Variants in DEK observed in about 807,000 individuals in gnomAD.
DEK encodes protein DEK.
Under a neutral mutation model 46.8 loss-of-function variants are expected in DEK, and 28 were observed. The observed-to-expected ratio is 0.60, with a 90% CI of 0.44 to 0.82. The LOEUF (loss-of-function observed/expected upper bound fraction) is 0.82. Among genes scored for constraint, DEK ranks in the 40% least tolerant of loss-of-function variants. DEK has a pLI of 0.00. For synonymous variants in DEK, 160 were observed against 144.5 expected, an observed-to-expected ratio of 1.11 and a Z score of -0.77; for missense variants, 416 against 430.6, an observed-to-expected ratio of 0.97 and a Z score of 0.30.
At chr6:18,229,268 A>G (rs1790288501) in intron 9 of DEK, among the ~76,000 whole-genome samples, 1 of 152,248 alleles carries the variant, frequency 6.6e-6, no homozygotes, top group Non-Finnish European at 1.5e-5. Context: ...AGATAAAACC[A>G]CAAAGATGGG....
intron 2 of DEK, among the ~76,000 whole-genome samples, chr6:18,258,857 G>A (rs73366564): frequency 0.02 from 3,111 of 152,174 alleles, 104 homozygotes; most frequent in African/African-American, 0.07. Context: ...TAACAATTTA[G>A]TAAACTGACA....
intron 6 of DEK, among the ~76,000 whole-genome samples, chr6:18,255,223 T>C (rs933034780): frequency 2.0e-5 from 3 of 152,260 alleles, no homozygotes; most frequent in African/African-American, 7.2e-5. Context: ...TTTACTTCCC[T>C]GTCTGGCTCC....
At chr6:18,255,147 G>A (rs910552815) in intron 6 of DEK, among the ~76,000 whole-genome samples, 1 of 152,144 alleles carries the variant, frequency 6.6e-6, no homozygotes, top group Non-Finnish European at 1.5e-5. Context: ...TATGTCATTC[G>A]TTACCATTAA....
chr6:18,257,070 T>C, intron 4 of DEK, among the ~76,000 whole-genome samples: 1 of 152,192 alleles, frequency 6.6e-6, no homozygotes. Context: ...GTTCCCTCGA[T>C]TATATAATAT....
intron 6 of DEK, among the ~76,000 whole-genome samples, chr6:18,254,020 A>G (rs1791501209): frequency 6.6e-6 from 1 of 152,106 alleles, no homozygotes; most frequent in South Asian, 2.1e-4. Context: ...GATTTTAAAC[A>G]AAACAATACA....
chr6:18,261,936 C>T (rs1023779356), intron 2 of DEK, among the ~76,000 whole-genome samples: 4 of 152,112 alleles, frequency 2.6e-5, no homozygotes, highest in African/African-American at 9.7e-5. Context: ...TGGATGTTTG[C>T]CCCCTCCAAA....
At chr6:18,238,071 G>A (rs1790741717) in intron 7 of DEK, among the ~76,000 whole-genome samples, 1 of 151,858 alleles carries the variant, frequency 6.6e-6, no homozygotes, top group African/African-American at 2.4e-5. Flanking sequence ...GTTTTGCCAT[G>A]TTGGCCAGGC....
At chr6:18,225,857 T>C in intron 10 of DEK, 127 bp from the exon 11 acceptor site, 1 of 1,147,806 alleles carries the variant, frequency 8.7e-7, no homozygotes, top group Non-Finnish European at 1.3e-6. Flanking sequence ...AGCTACCTGC[T>C]GATCTTCCCC....
Position 18,249,805 on chromosome 6 carries a change from C to A in DEK, c.608G>T (p.Gly203Val). 6.2e-7 allele frequency: 1 copy of A among 1,600,508 alleles called. No individual in the cohort carries two copies. Among genetic ancestry groups the A allele is most frequent in the Non-Finnish European group, 8.5e-7 (1 of 1,176,578 alleles). Reference sequence around the variant, plus strand: ...AGAACTGTTCCGTTCCTTTTTACTGCCTTTGCTACAAGTTTTTTTAGATTT... The same window carrying A: ...AGAACTGTTCCGTTCCTTTTTACTGACTTTGCTACAAGTTTTTTTAGATTT... ...LPKSKKTCSK[G>V]SKKERNSSGM... is the part of the protein sequence containing the mutation. Residue 203 changes from glycine to valine, a missense_variant, in exon 7 of 11, where the codon GGC becomes GTC. Transcript: ENST00000652689.
intron 7 of DEK, among the ~76,000 whole-genome samples, chr6:18,240,782 C>T (rs1391605636): frequency 6.6e-6 from 1 of 152,044 alleles, no homozygotes; most frequent in Non-Finnish European, 1.5e-5. Context: ...ATCAGAAGAC[C>T]CTATCTCTAA....
In DEK at chr6:18,263,969, C is replaced by A. The variant is rs1186571051; in HGVS notation, c.19G>T (p.Ala7Ser). Reference sequence around the variant, plus strand: ...GTGGGGGTTCCCTCCCCCTCCGCAGCAGGGGCCGAGGCGGACATGCTGTGA... The same window carrying A: ...GTGGGGGTTCCCTCCCCCTCCGCAGAAGGGGCCGAGGCGGACATGCTGTGA... The part of the protein sequence containing the change: MSASAP[A>S]AEGEGTPTQP... Residue 7 changes from alanine to serine, a missense_variant, in exon 2 of 11, where the codon GCT becomes TCT. Physicochemically the swap from Ala to Ser is moderately conservative, Grantham distance 99. Transcript: ENST00000652689. 2 of 1,611,620 alleles carry A rather than the reference C, an allele frequency of 1.2e-6. No individual in the cohort carries two copies. Among genetic ancestry groups the A allele is most frequent in the Non-Finnish European group, 1.7e-6 (2 of 1,179,156 alleles).
chr6:18,252,523 A>AAAG (rs1295886998), intron 6 of DEK, among the ~76,000 whole-genome samples: 10 of 150,544 alleles, frequency 6.6e-5, no homozygotes, highest in African/African-American at 2.2e-4. Context: ...AAAAAAAAAA[A>AAAG]AAAAAAAAAA....
chr6:18,235,157 A>G (rs963425017), intron 9 of DEK, among the ~76,000 whole-genome samples: 8 of 152,180 alleles, frequency 5.3e-5, no homozygotes, highest in Non-Finnish European at 8.8e-5. Flanking sequence ...TGTTTCTAGG[A>G]TAACTTTTAA....
At chr6:18,246,620 A>G (rs757112647) in intron 7 of DEK, among the ~76,000 whole-genome samples, 3 of 152,244 alleles carry the variant, frequency 2.0e-5, no homozygotes, top group Non-Finnish European at 2.9e-5. Flanking sequence ...ACTTATAAAC[A>G]CCTTAGTCTT....
Position 18,256,394 on chromosome 6 carries a change from A to G in DEK, c.419T>C (p.Val140Ala), listed in dbSNP as rs17336208. 0.044 allele frequency: 70,742 copies of G among 1,612,920 alleles called. 2,688 individuals are homozygous for G. The highest frequency in any genetic ancestry group is 0.2 in the Admixed American group (11,823 of 59,744). The change falls in exon 5 of 11, where the codon GTC (valine) becomes GCC (alanine). Residue 140 changes from valine (V) to alanine (A), a missense_variant. Coordinates refer to ENST00000652689, the MANE Select transcript of DEK (RefSeq NM_003472.4). ...FSGFPFEKGSVQYKKKEEMLK... is the reference protein window; with the variant it reads ...FSGFPFEKGSAQYKKKEEMLK... The stretch of plus-strand genomic sequence containing the variant: ...CATTTCTTCCTTCTTTTTATATTGG[A>G]CACTTCCTTTTTCAAATGGAAAGCC...
chr6:18,226,259 G>A lies in DEK; in HGVS notation c.1048-17C>T. ...TTCATAGACCTATGTATAGTGAAAA[G>A]GAAAAATAATGTTAAAAGCAGATTT... On this transcript the variant is annotated splice_polypyrimidine_tract_variant and intron_variant, in intron 9 of 10. Coordinates refer to ENST00000652689, the MANE Select transcript of DEK (RefSeq NM_003472.4). The A allele has an allele frequency of 2.3e-6, 3 of 1,330,960 alleles. No individual in the cohort carries two copies. Among genetic ancestry groups the A allele is most frequent in the African/African-American group, 1.5e-5 (1 of 64,564 alleles). 82.4% of individuals were successfully genotyped at this position (1,330,960 alleles called of 1,614,324 possible).
At chr6:18,258,474 C>A in intron 2 of DEK, 69 bp from the exon 3 acceptor site, 1 of 1,193,258 alleles carries the variant, frequency 8.4e-7, no homozygotes, top group Non-Finnish European at 1.2e-6. Context: ...ATTAGATACA[C>A]ATGTAGAACA....
intron 6 of DEK, among the ~76,000 whole-genome samples, chr6:18,254,284 T>C (rs993195655): frequency 6.6e-6 from 1 of 152,064 alleles, no homozygotes; most frequent in Non-Finnish European, 1.5e-5. Flanking sequence ...TGAGCAGAGA[T>C]TGTGCCACTG....
In DEK at chr6:18,259,430, A is replaced by AAAAAAAAAAAAAT. The variant is rs1554162685; in HGVS notation, c.146-1026_146-1025insATTTTTTTTTTTT. Among the ~76,000 whole-genome samples the AAAAAAAAAAAAAT allele has an allele frequency of 5.2e-5, 5 of 96,742 alleles. 1 individual carries two copies. The highest frequency in any genetic ancestry group is 1.2e-4 in the Non-Finnish European group (5 of 42,170). The allele number at this position is 96,742 out of a possible 152,430, so 63.5% of individuals were successfully genotyped here. A position where few individuals can be genotyped will look rare whatever the true frequency, so the allele number is the denominator to read the frequency against. ...AAAAAAAAAAAAAAAAAAAAAAAAA[A>AAAAAAAAAAAAAT]AAATCTAGAAAACAGGTAGCATATA... On this transcript the variant is annotated intron_variant, in intron 2 of 10. Transcript: ENST00000652689.
Sources: allele counts gnomAD v4.1 joint callset (sites outside exome capture counted in the v4.1 genomes callset), GRCh38; gene constraint gnomAD v4.1.1; transcripts MANE v1.5; gene names NCBI Gene and HGNC (gene_info 2026-07-23, HGNC 2026-07-21).